The following ZMYND8 variants were observed in gnomAD, a reference collection of about 807,000 sequenced individuals.
The protein encoded by ZMYND8 is MYND-type zinc finger-containing chromatin reader ZMYND8.
Under a neutral mutation model 140.8 loss-of-function variants are expected in ZMYND8, and 37 were observed. The ratio of observed to expected loss-of-function variants is 0.26; its 90% CI spans 0.20 to 0.35. The LOEUF is 0.35. Ranked by LOEUF, ZMYND8 falls within the 10% of genes least tolerant of loss-of-function variation. The pLI is 1.00. For missense variants in ZMYND8, 1,068 were observed against 1,570.0 expected, an observed-to-expected ratio of 0.68 and a Z score of 5.40; for synonymous variants, 592 against 597.1, an observed-to-expected ratio of 0.99 and a Z score of 0.12.
At chr20:47,234,908 G>C (rs2039008427) in intron 16 of ZMYND8, among the ~76,000 whole-genome samples, 1 of 152,140 alleles carries the variant, frequency 6.6e-6, no homozygotes, top group Non-Finnish European at 1.5e-5. Context: ...GGGAGGACTA[G>C]GCAGGAAGAT....
At chr20:47,264,770 C>T (rs1344750446) in intron 11 of ZMYND8, among the ~76,000 whole-genome samples, 1 of 152,102 alleles carries the variant, frequency 6.6e-6, no homozygotes, top group African/African-American at 2.4e-5. Flanking sequence ...TGCGGTGGTT[C>T]ACCCCTGTAA....
intron 16 of ZMYND8, among the ~76,000 whole-genome samples, chr20:47,230,860 C>G (rs1045327190): frequency 3.9e-5 from 6 of 152,128 alleles, no homozygotes; most frequent in African/African-American, 1.4e-4. Context: ...CCCCCGCTCC[C>G]CCAGCGCCTG....
intron 2 of ZMYND8, among the ~76,000 whole-genome samples, chr20:47,343,957 C>CT (rs750832298): frequency 0.19 from 22,494 of 119,846 alleles, 4,000 homozygotes; most frequent in African/African-American, 0.46. Flanking sequence ...AGTGATAAAT[C>CT]TTTTTTTTTT....
intron 12 of ZMYND8, among the ~76,000 whole-genome samples, chr20:47,255,716 A>G (rs796865677): frequency 0.012 from 348 of 28,654 alleles, 9 homozygotes; most frequent in African/African-American, 0.057. Flanking sequence ...TATACCGTGT[A>G]TGTGTGTATA....
intron 14 of ZMYND8, among the ~76,000 whole-genome samples, chr20:47,245,119 G>C (rs1045657627): frequency 9.9e-5 from 15 of 152,100 alleles, no homozygotes; most frequent in African/African-American, 2.9e-4. Context: ...AGTGCCCTAA[G>C]AAGCACTCAG....
rs149145235 is a variant in ZMYND8, at chr20:47,338,625, C to T, written c.85+9231G>A. On this transcript the variant is annotated intron_variant, in intron 2 of 22. Coordinates refer to ENST00000471951, the MANE Select transcript of ZMYND8 (RefSeq NM_001281775.3). ...CTTTGAATATTAAGCCAAGTGGCTC[C>T]GGCAGAAAGGTGCTCTGGAAACAGA... 5.0e-4 allele frequency among the ~76,000 whole-genome samples: 76 copies of T among 152,222 alleles called. No homozygotes were observed. In the East Asian group the frequency reaches 0.013, roughly 26 times the overall value.
At chr20:47,317,844 G>GT (rs1189580315) in intron 2 of ZMYND8, among the ~76,000 whole-genome samples, 1 of 152,116 alleles carries the variant, frequency 6.6e-6, no homozygotes, top group South Asian at 2.1e-4. Context: ...CCGTAAAAAG[G>GT]CAACTTAACC....
chr20:47,303,330 T>C (rs958143266), intron 3 of ZMYND8, among the ~76,000 whole-genome samples: 5 of 152,218 alleles, frequency 3.3e-5, no homozygotes, highest in African/African-American at 1.2e-4. Flanking sequence ...TCTAGGATGC[T>C]ACTGTGGTTT....
At chr20:47,309,690 T>TTCCAGACACAGCA (rs1279383506) in intron 3 of ZMYND8, among the ~76,000 whole-genome samples, 1 of 150,826 alleles carries the variant, frequency 6.6e-6, no homozygotes, top group Non-Finnish European at 1.5e-5. Context: ...CAGACAGAGC[T>TTCCAGACACAGCA]GAGAACTAGT....
At chr20:47,321,855 CCT>C (rs1491537868) in intron 2 of ZMYND8, among the ~76,000 whole-genome samples, 3 of 143,566 alleles carry the variant, frequency 2.1e-5, no homozygotes, top group Non-Finnish European at 3.0e-5. Context: ...AACTCGCCGC[CCT>C]TTTTTTTTTT....
intron 12 of ZMYND8, among the ~76,000 whole-genome samples, chr20:47,254,754 T>A (rs945945998): frequency 1.3e-5 from 2 of 152,128 alleles, no homozygotes; most frequent in African/African-American, 4.8e-5. Context: ...GGCTGTCCCG[T>A]GTGTTGTAGG....
rs150117784 is a variant in ZMYND8 at position 47,347,882 on chromosome 20, C to A, written c.59G>T (p.Gly20Val). 10 of 1,613,838 alleles carry A rather than the reference C, an allele frequency of 6.2e-6. No homozygotes were observed. Among genetic ancestry groups the A allele is most frequent in the East Asian group, 4.5e-5 (2 of 44,896 alleles). ...EIKTEQEVVE[G>V]MDISTRSKDP... ...TTTGGAGCGAGTAGAGATATCCATG[C>A]CCTCTACCACCTCCTGTTCTGTTTT... Residue 20 changes from glycine (G) to valine (V), a missense_variant, in exon 2 of 23, where the codon GGC (glycine) becomes GTC (valine). By Grantham distance (109) the Gly-to-Val change is moderately radical. Transcript: ENST00000471951.
At position 47,210,708 on chromosome 20, in the gene ZMYND8, G is replaced by A; in HGVS notation, c.*53C>T. 1.2e-6 allele frequency: 2 copies of A among 1,613,590 alleles called. No individual in the cohort carries two copies. Among genetic ancestry groups the A allele is most frequent in the Non-Finnish European group, 1.7e-6 (2 of 1,179,736 alleles). On this transcript the variant is annotated 3_prime_UTR_variant, in exon 23 of 23. Transcript: ENST00000471951. ...TGCCTTTGTTGTTTCTTCTTTTCCT[G>A]GCGTCTGGGTTTTTCTCCCAATGGG...
intron 14 of ZMYND8, among the ~76,000 whole-genome samples, chr20:47,243,375 C>T (rs571407235): frequency 6.5e-4 from 99 of 152,366 alleles, no homozygotes; most frequent in Non-Finnish European, 9.8e-4. Context: ...GCTGCTCTAA[C>T]TGAACTGTGT....
chr20:47,327,005 T>TA (rs2080479185), intron 2 of ZMYND8, among the ~76,000 whole-genome samples: 1 of 152,136 alleles, frequency 6.6e-6, no homozygotes, highest in African/African-American at 2.4e-5. Context: ...GATGGGGAGT[T>TA]ACGGGAGGGT....
intron 2 of ZMYND8, among the ~76,000 whole-genome samples, chr20:47,325,913 A>G (rs1402410739): frequency 2.6e-5 from 4 of 152,070 alleles, no homozygotes; most frequent in Non-Finnish European, 2.9e-5. Flanking sequence ...CTGGGATTAC[A>G]GGCACATGCC....
At chr20:47,255,504 C>A (rs2074530257) in intron 12 of ZMYND8, among the ~76,000 whole-genome samples, 1 of 146,464 alleles carries the variant, frequency 6.8e-6, no homozygotes, top group Non-Finnish European at 1.5e-5. Flanking sequence ...ATATATCCAC[C>A]ATATACATAT....
At chr20:47,211,586 C>CGAATG (rs2035263193) in intron 22 of ZMYND8, among the ~76,000 whole-genome samples, 1 of 152,088 alleles carries the variant, frequency 6.6e-6, no homozygotes, top group African/African-American at 2.4e-5. Flanking sequence ...AAGGAAGAGC[C>CGAATG]GAATGAGGTG....
intron 14 of ZMYND8, among the ~76,000 whole-genome samples, chr20:47,245,511 G>A (rs1427571239): frequency 6.6e-6 from 1 of 152,216 alleles, no homozygotes; most frequent in Non-Finnish European, 1.5e-5. Flanking sequence ...CTCCCCAAGT[G>A]CTGGGATTAC....
Sources: gnomAD v4.1 joint callset for allele counts (sites outside exome capture counted in the v4.1 genomes callset) on GRCh38, gnomAD v4.1.1 for gene constraint, MANE v1.5 for transcripts, NCBI Gene and HGNC (gene_info 2026-07-23, HGNC 2026-07-21) for gene names.